The following FHIT variants were observed in gnomAD, a reference collection of about 807,000 sequenced individuals.
FHIT encodes bis(5'-adenosyl)-triphosphatase.
FHIT carries 19 observed loss-of-function variants against 17.9 expected under a neutral mutation model. The ratio of observed to expected loss-of-function variants is 1.06; its 90% CI spans 0.74 to 1.56. FHIT has a LOEUF of 1.56. Ranked by LOEUF, FHIT falls within the 40% of genes most tolerant of loss-of-function variation. FHIT has a pLI of 0.00. For synonymous variants in FHIT, 81 were observed against 69.7 expected (o/e 1.16, Z -0.81); for missense variants, 248 against 189.2 (o/e 1.31, Z -1.82).
At chr3:60,450,634 G>T (rs1576675760) in intron 5 of FHIT, among the ~76,000 whole-genome samples, 1 of 152,228 alleles carries the variant, frequency 6.6e-6, no homozygotes, top group Non-Finnish European at 1.5e-5. Context: ...TACAGAAGTG[G>T]GTTCCAGAGA....
intron 5 of FHIT, among the ~76,000 whole-genome samples, chr3:60,459,100 A>G (rs1399802691): frequency 6.6e-6 from 1 of 152,132 alleles, no homozygotes; most frequent in African/African-American, 2.4e-5. Context: ...TCGTTGGTGG[A>G]AAGAAAAGCA....
intron 5 of FHIT, among the ~76,000 whole-genome samples, chr3:60,233,596 T>C (rs906063843): frequency 6.6e-6 from 1 of 152,320 alleles, no homozygotes. Context: ...TCATAATCCT[T>C]ATCACTTTTT....
At chr3:61,207,453 CT>C (rs1157324331) in intron 1 of FHIT, among the ~76,000 whole-genome samples, 2 of 152,080 alleles carry the variant, frequency 1.3e-5, no homozygotes. Flanking sequence ...TGGTCCTGGA[CT>C]TTTTTTGGTT....
chr3:60,508,358 T>G lies in FHIT; in HGVS notation c.103+28502A>C, dbSNP rs187335665. Among the ~76,000 whole-genome samples, 4 of 152,322 alleles carry G rather than the reference T, an allele frequency of 2.6e-5. No homozygotes were observed. In the East Asian group the frequency reaches 7.7e-4, roughly 29 times the overall value. The stretch of plus-strand genomic sequence containing the variant: ...GAAATAATGTCTCTGGATTATGAAT[T>G]TGACTTAATTTATCAATTAGGTTTG... On this transcript the variant is annotated intron_variant, in intron 5 of 9. Transcript: ENST00000492590.
intron 4 of FHIT, chr3:60,732,365 C>A: frequency 1.2e-6 from 1 of 834,554 alleles, no homozygotes; most frequent in South Asian, 1.3e-5. Context: ...TACCTCTATG[C>A]TTCAGGATGA....
chr3:61,133,126 T>A (rs1272089748), intron 2 of FHIT, among the ~76,000 whole-genome samples: 1 of 152,186 alleles, frequency 6.6e-6, no homozygotes, highest in East Asian at 1.9e-4. Context: ...AAGGAAGACG[T>A]CTCAAACCCC....
chr3:59,755,319 A>C (rs1223089530), intron 8 of FHIT, among the ~76,000 whole-genome samples: 1 of 152,204 alleles, frequency 6.6e-6, no homozygotes, highest in African/African-American at 2.4e-5. Flanking sequence ...AGCCTGGGAA[A>C]GGCCCTGGTG....
chr3:60,270,365 T>G (rs557116446), intron 5 of FHIT, among the ~76,000 whole-genome samples: 7 of 152,338 alleles, frequency 4.6e-5, no homozygotes, highest in African/African-American at 1.7e-4. Flanking sequence ...AAAGTTACTT[T>G]GAGTTTCTAT....
chr3:60,220,676 A>G (rs1342713427), intron 5 of FHIT, among the ~76,000 whole-genome samples: 1 of 152,182 alleles, frequency 6.6e-6, no homozygotes, highest in East Asian at 1.9e-4. Context: ...TGGTTTGGCT[A>G]AAGGAGGACA....
intron 8 of FHIT, among the ~76,000 whole-genome samples, chr3:59,879,789 C>A (rs967637409): frequency 6.6e-6 from 1 of 152,328 alleles, no homozygotes; most frequent in Non-Finnish European, 1.5e-5. Context: ...CCTCATATAA[C>A]ATGAATGAAG....
intron 4 of FHIT, among the ~76,000 whole-genome samples, chr3:60,601,360 G>A (rs1254731810): frequency 6.6e-6 from 1 of 152,180 alleles, no homozygotes; most frequent in African/African-American, 2.4e-5. Context: ...CTGATTCAAT[G>A]TGTATGAGGT....
At chr3:60,454,604 T>C (rs558683135) in intron 5 of FHIT, among the ~76,000 whole-genome samples, 4 of 152,182 alleles carry the variant, frequency 2.6e-5, no homozygotes, top group African/African-American at 9.6e-5. Context: ...CAGGATGGTC[T>C]CAATCTCCTG....
intron 7 of FHIT, among the ~76,000 whole-genome samples, chr3:59,988,842 C>T (rs1332108838): frequency 6.6e-6 from 1 of 152,030 alleles, no homozygotes; most frequent in East Asian, 1.9e-4. Context: ...GCAGTTAGGG[C>T]CTCGAGCAGG....
intron 5 of FHIT, among the ~76,000 whole-genome samples, chr3:60,034,834 G>A (rs949260902): frequency 6.6e-6 from 1 of 152,148 alleles, no homozygotes; most frequent in Non-Finnish European, 1.5e-5. Flanking sequence ...AAATGGGAAT[G>A]TTCAAGAACT....
intron 5 of FHIT, among the ~76,000 whole-genome samples, chr3:60,340,870 T>A (rs1156583238): frequency 6.6e-6 from 1 of 152,080 alleles, no homozygotes; most frequent in African/African-American, 2.4e-5. Flanking sequence ...TTTTGTATTT[T>A]TAGTAGAGAT....
chr3:59,823,014 G>A (rs1325678152), intron 8 of FHIT, among the ~76,000 whole-genome samples: 1 of 152,024 alleles, frequency 6.6e-6, no homozygotes, highest in Non-Finnish European at 1.5e-5. Context: ...ATTCTCCTAC[G>A]TGTGACTTGC....
chr3:60,292,384 G>T (rs1481046786), intron 5 of FHIT, among the ~76,000 whole-genome samples: 1 of 151,984 alleles, frequency 6.6e-6, no homozygotes, highest in Non-Finnish European at 1.5e-5. Flanking sequence ...CACGTTGGGA[G>T]TTCCCCTTCC....
At chr3:60,297,258 T>A (rs1708254271) in intron 5 of FHIT, among the ~76,000 whole-genome samples, 1 of 152,120 alleles carries the variant, frequency 6.6e-6, no homozygotes, top group African/African-American at 2.4e-5. Context: ...CTATGATGAA[T>A]CTTCTAACCT....
intron 5 of FHIT, among the ~76,000 whole-genome samples, chr3:60,131,029 ATATGTG>A (rs1699562763): frequency 1.4e-5 from 1 of 73,336 alleles, no homozygotes; most frequent in African/African-American, 9.7e-5. Flanking sequence ...ACATATATAC[ATATGTG>A]TATATATACA....
Sources: gnomAD v4.1 joint callset for allele counts (sites outside exome capture counted in the v4.1 genomes callset) on GRCh38, gnomAD v4.1.1 for gene constraint, MANE v1.5 for transcripts, NCBI Gene and HGNC (gene_info 2026-07-23, HGNC 2026-07-21) for gene names.